PREP: variants seen among roughly 807,000 people sequenced by gnomAD.
PREP encodes the protein dJ355L5.1 (prolyl endopeptidase).
In PREP, 29 loss-of-function variants were observed where a neutral mutation model predicts 87.6. The ratio of observed to expected loss-of-function variants is 0.33; its 90% CI spans 0.25 to 0.45. PREP has a LOEUF of 0.45. PREP is among the 20% of genes least tolerant of loss of function. The pLI is 1.00. For missense variants in PREP, 695 were observed against 886.5 expected (o/e 0.78, Z 2.74); for synonymous variants, 337 against 328.6 (o/e 1.03, Z -0.28).
chr6:105,304,022 T>C (rs1393699822), intron 10 of PREP, among the ~76,000 whole-genome samples: 2 of 152,228 alleles, frequency 1.3e-5, no homozygotes, highest in Non-Finnish European at 1.5e-5. Context: ...TATTCTCTCA[T>C]TTTAATCCAA....
intron 6 of PREP, among the ~76,000 whole-genome samples, chr6:105,361,373 ACACTC>A (rs1772242910): frequency 6.6e-6 from 1 of 152,134 alleles, no homozygotes; most frequent in African/African-American, 2.4e-5. Context: ...TACAGCAACT[ACACTC>A]CAGTCGTGTG....
chr6:105,402,820 CCT>C, intron 1 of PREP, 25 bp downstream of exon 1: 1 of 1,535,534 alleles, frequency 6.5e-7, no homozygotes, highest in Non-Finnish European at 8.8e-7. Flanking sequence ...GCCCGGGAGC[CCT>C]CTGGGCGGAG....
chr6:105,377,080 C>G (rs1772704982), intron 3 of PREP, among the ~76,000 whole-genome samples: 1 of 152,176 alleles, frequency 6.6e-6, no homozygotes, highest in Non-Finnish European at 1.5e-5. Flanking sequence ...ACTTCGGAGG[C>G]AAACAAACCT....
At chr6:105,397,617 C>T (rs959493414) in intron 2 of PREP, among the ~76,000 whole-genome samples, 4 of 152,156 alleles carry the variant, frequency 2.6e-5, no homozygotes, top group African/African-American at 9.7e-5. Context: ...ATCAGTGTCA[C>T]TATGAACCAT....
intron 9 of PREP, 147 bp downstream of exon 9, chr6:105,328,682 C>T: frequency 1.2e-6 from 1 of 801,146 alleles, no homozygotes. Context: ...GGCATCTGTT[C>T]TACCGTTTTA....
chr6:105,278,423 A>G lies in PREP; in HGVS notation c.1854T>C (p.His618=). The G allele has an allele frequency of 6.2e-7, 1 of 1,612,422 alleles. No homozygotes were observed. Among genetic ancestry groups the G allele is most frequent in the Non-Finnish European group, 8.5e-7 (1 of 1,178,530 alleles). Residue 618 remains histidine (H), a synonymous_variant, in exon 15 of 15, where the codon CAT becomes CAC. Transcript: ENST00000652536. The surrounding 1 kb of genome is among the most constrained non-coding windows in gnomAD (Gnocchi z 4.2). ...CATCTGCTTCTGGTAACTTCACATTATGCAATGGAGAGTATCTGGAAGGCA... is the reference window on the plus strand; with the variant it reads ...CATCTGCTTCTGGTAACTTCACATTGTGCAATGGAGAGTATCTGGAAGGCA... ...FEWLVKYSPL[H]NVKLPEADDI...
chr6:105,342,835 T>C (rs1001267014), intron 7 of PREP, among the ~76,000 whole-genome samples: 3 of 134,568 alleles, frequency 2.2e-5, no homozygotes, highest in African/African-American at 8.7e-5. Flanking sequence ...ATGTGAAGGA[T>C]CTCTTCAAGA....
chr6:105,311,669 G>A (rs10458016), intron 10 of PREP, among the ~76,000 whole-genome samples: 10,987 of 152,178 alleles, frequency 0.072, 442 homozygotes, highest in South Asian at 0.14. Flanking sequence ...ATCTCTTCAC[G>A]TCGCTGCTAC....
chr6:105,390,208 C>G (rs976220142), intron 2 of PREP, among the ~76,000 whole-genome samples: 1 of 152,074 alleles, frequency 6.6e-6, no homozygotes, highest in East Asian at 1.9e-4. Context: ...GCAGGTGTAA[C>G]GGGGTCACTT....
chr6:105,333,700 C>T (rs1308072956), intron 7 of PREP, among the ~76,000 whole-genome samples, 195 bp from the exon 8 acceptor site: 1 of 152,076 alleles, frequency 6.6e-6, no homozygotes, highest in Non-Finnish European at 1.5e-5. Flanking sequence ...CTGAAAAACC[C>T]AGCAAGGACG....
chr6:105,365,543 T>C (rs952877926), intron 6 of PREP, among the ~76,000 whole-genome samples: 6 of 152,284 alleles, frequency 3.9e-5, no homozygotes, highest in South Asian at 4.1e-4. Flanking sequence ...AGCAGAACTC[T>C]AGAGTTCATG....
chr6:105,343,598 G>A (rs186073321), intron 7 of PREP, among the ~76,000 whole-genome samples: 77 of 152,248 alleles, frequency 5.1e-4, no homozygotes, highest in African/African-American at 1.6e-3. Flanking sequence ...GCAACCTACA[G>A]AATGGGAGAA....
chr6:105,295,157 CTTTT>C (rs10586996), intron 10 of PREP, among the ~76,000 whole-genome samples: 7 of 132,582 alleles, frequency 5.3e-5, no homozygotes, highest in African/African-American at 1.9e-4. Context: ...CAATGTTTTC[CTTTT>C]TTTTTTTTTT....
At chr6:105,396,459 T>C (rs1773287195) in intron 2 of PREP, among the ~76,000 whole-genome samples, 1 of 152,192 alleles carries the variant, frequency 6.6e-6, no homozygotes, top group Non-Finnish European at 1.5e-5. Flanking sequence ...TTTCTCTCTT[T>C]TCTCCATATA....
At chr6:105,348,059 C>G (rs1213372033) in intron 7 of PREP, among the ~76,000 whole-genome samples, 1 of 152,102 alleles carries the variant, frequency 6.6e-6, no homozygotes, top group Non-Finnish European at 1.5e-5. Context: ...GGAGTCAAGA[C>G]TCAGCTGTCT....
At chr6:105,373,158 T>C (rs1260597499) in intron 5 of PREP, among the ~76,000 whole-genome samples, 2 of 152,182 alleles carry the variant, frequency 1.3e-5, no homozygotes, top group Non-Finnish European at 2.9e-5. Context: ...GGCCAACCCA[T>C]AGGCTCATAG....
chr6:105,396,720 T>C (rs560647323), intron 2 of PREP, among the ~76,000 whole-genome samples: 1 of 151,970 alleles, frequency 6.6e-6, no homozygotes, highest in South Asian at 2.1e-4. Flanking sequence ...AAACGTACCC[T>C]GCAACTCTAA....
At chr6:105,350,011 GT>G (rs1771905734) in intron 7 of PREP, among the ~76,000 whole-genome samples, 2 of 150,548 alleles carry the variant, frequency 1.3e-5, no homozygotes. Context: ...AATTAGACAT[GT>G]TCCCTCACAG....
chr6:105,388,827 T>C lies in PREP; in HGVS notation c.120+9026A>G, dbSNP rs564764190. On this transcript the variant is annotated intron_variant, in intron 2 of 14. Coordinates refer to ENST00000652536, the MANE Select transcript of PREP (RefSeq NM_002726.5). ...CATATATGGGACATGAATGAATGGG[T>C]AGAAGGTGTCTCACAGGCCAGCTCT... Among the ~76,000 whole-genome samples the C allele has an allele frequency of 2.0e-5, 3 of 152,246 alleles. No individual in the cohort carries two copies. The South Asian group carries it at 6.2e-4, about 32-fold the overall frequency.
Sources: gnomAD v4.1 joint callset for allele counts (sites outside exome capture counted in the v4.1 genomes callset) on GRCh38, gnomAD v4.1.1 for gene constraint, Gnocchi (gnomAD v3.1) non-coding constraint, MANE v1.5 for transcripts, NCBI Gene and HGNC (gene_info 2026-07-23, HGNC 2026-07-21) for gene names.